The following PDE9A variants were observed in gnomAD, a reference collection of about 807,000 sequenced individuals.
PDE9A encodes the protein high affinity cGMP-specific 3',5'-cyclic phosphodiesterase 9A.
A neutral mutation model predicts 87.4 loss-of-function variants in PDE9A; 60 were observed. The ratio of observed to expected loss-of-function variants is 0.69; its 90% CI spans 0.56 to 0.85. PDE9A has a LOEUF of 0.85. Ranked by LOEUF, PDE9A falls within the 40% of genes least tolerant of loss-of-function variation. The pLI is 0.00. For missense variants in PDE9A, 665 were observed against 779.0 expected, an observed-to-expected ratio of 0.85 and a Z score of 1.74; for synonymous variants, 272 against 279.4, an observed-to-expected ratio of 0.97 and a Z score of 0.27.
At chr21:42,709,073 T>C (rs1039837160) in intron 4 of PDE9A, among the ~76,000 whole-genome samples, 12 of 152,130 alleles carry the variant, frequency 7.9e-5, no homozygotes, top group African/African-American at 2.7e-4. Flanking sequence ...CAATGATAGA[T>C]TGGATAAAGA....
rs1347451672 is a variant in PDE9A, at chr21:42,705,663, T to A, written c.262+6652T>A. ...GGACGGCCCCCCACGGCCCAAGTCC[T>A]ATAGGAGAGCCAGGGGCCATCACGA... On this transcript the variant is annotated intron_variant, in intron 4 of 19. Transcript: ENST00000291539. This position sits in a 1 kb window ranked among gnomAD's most constrained non-coding sequence, Gnocchi z 4.3. Among the ~76,000 whole-genome samples the A allele has an allele frequency of 6.6e-6, 1 of 152,104 alleles. No individual in the cohort carries two copies. Among genetic ancestry groups the A allele is most frequent in the Non-Finnish European group, 1.5e-5 (1 of 67,996 alleles).
At position 42,731,858 on chromosome 21, in the gene PDE9A, C is replaced by T. The variant is rs1337221275; in HGVS notation, c.351C>T (p.Pro117=). 1 of 1,614,182 alleles carries T rather than the reference C, an allele frequency of 6.2e-7. No individual in the cohort carries two copies. Among genetic ancestry groups the T allele is most frequent in the Non-Finnish European group, 8.5e-7 (1 of 1,180,030 alleles). ...GACGGGTTGTGGGCCTGGAGCAGCC[C>T]CGGAGGGAAGGAGCATTTGAAAGTG... The part of the protein sequence containing the change: ...RDRRVVGLEQ[P]RREGAFESGQ... Residue 117 remains proline, a synonymous_variant, in exon 5 of 20, where the codon CCC becomes CCT. Coordinates refer to ENST00000291539, the MANE Select transcript of PDE9A (RefSeq NM_002606.3).
intron 1 of PDE9A, among the ~76,000 whole-genome samples, chr21:42,677,930 AC>A (rs541939363): frequency 1.7e-3 from 254 of 152,332 alleles, no homozygotes; most frequent in African/African-American, 5.8e-3. Flanking sequence ...GGCGTGAGCC[AC>A]TGAGCCCAGC....
intron 1 of PDE9A, among the ~76,000 whole-genome samples, chr21:42,666,627 T>G (rs1372426577): frequency 6.6e-6 from 1 of 152,100 alleles, no homozygotes; most frequent in Non-Finnish European, 1.5e-5. Flanking sequence ...CTGAGGCCTC[T>G]CCTGGGCTGG....
intron 3 of PDE9A, among the ~76,000 whole-genome samples, chr21:42,697,132 G>A (rs1223593177): frequency 6.6e-6 from 1 of 151,976 alleles, no homozygotes; most frequent in Non-Finnish European, 1.5e-5. Flanking sequence ...GAGAATCAAG[G>A]GGACAGAGGG....
chr21:42,697,777 C>T (rs1197039719), intron 3 of PDE9A, among the ~76,000 whole-genome samples: 1 of 152,220 alleles, frequency 6.6e-6, no homozygotes, highest in Non-Finnish European at 1.5e-5. Context: ...TCAGGAACTC[C>T]TCCAAACCCA....
At chr21:42,670,157 GCACACACATTCACACGCA>G (rs2058329548) in intron 1 of PDE9A, among the ~76,000 whole-genome samples, 1 of 148,186 alleles carries the variant, frequency 6.7e-6, no homozygotes, top group African/African-American at 2.5e-5. Flanking sequence ...ACATTCACAC[GCACACACATTCACACGCA>G]CACATACACT....
chr21:42,766,513 G>T lies in PDE9A; in HGVS notation c.1356+1019G>T, dbSNP rs369298950. Reference sequence around the variant, plus strand: ...AGAGGTTGAAAGATAGGGAACTCTCGGCTCAGGCTGACCTTCTAACCATCC... The same window carrying T: ...AGAGGTTGAAAGATAGGGAACTCTCTGCTCAGGCTGACCTTCTAACCATCC... On this transcript the variant is annotated intron_variant, in intron 15 of 19. Coordinates refer to ENST00000291539, the MANE Select transcript of PDE9A (RefSeq NM_002606.3). Among the ~76,000 whole-genome samples the T allele has an allele frequency of 1.6e-4, 24 of 152,264 alleles. No individual in the cohort carries two copies. The East Asian group carries it at 4.3e-3, about 27-fold the overall frequency.
intron 1 of PDE9A, among the ~76,000 whole-genome samples, chr21:42,684,904 G>A (rs559900377): frequency 7.3e-6 from 1 of 136,948 alleles, no homozygotes; most frequent in Non-Finnish European, 1.5e-5. Flanking sequence ...AGGAAATGGT[G>A]TTAGTCACAG....
At chr21:42,748,622 A>G (rs1164215446) in intron 8 of PDE9A, among the ~76,000 whole-genome samples, 1 of 152,258 alleles carries the variant, frequency 6.6e-6, no homozygotes, top group East Asian at 1.9e-4. Flanking sequence ...TCATGACAAC[A>G]GCCGGCAATG....
chr21:42,751,242 A>T lies in PDE9A; in HGVS notation c.735+45A>T, dbSNP rs191596200. 4.3e-5 allele frequency: 58 copies of T among 1,356,268 alleles called. No individual in the cohort carries two copies. In the African/African-American group the frequency reaches 6.6e-4, roughly 15 times the overall value. The allele number at this position is 1,356,268 out of a possible 1,614,324, so 84.0% of individuals were successfully genotyped here. On this transcript the variant is annotated intron_variant, in intron 9 of 19. Transcript: ENST00000291539. Reference sequence around the variant, plus strand: ...CAGAAGAAGCTGCAGCTGTGTCCCCAGCCCCACGCCCAGCCCTGTGGCCCT... The same window carrying T: ...CAGAAGAAGCTGCAGCTGTGTCCCCTGCCCCACGCCCAGCCCTGTGGCCCT...
At chr21:42,768,392 TCCC>T in intron 16 of PDE9A, 100 bp downstream of exon 16, 1 of 1,035,162 alleles carries the variant, frequency 9.7e-7, no homozygotes, top group Non-Finnish European at 1.5e-6. Flanking sequence ...TCCCGCATAT[TCCC>T]CGGGCTGCCG....
intron 15 of PDE9A, 55 bp downstream of exon 15, chr21:42,765,549 G>GA: frequency 2.2e-6 from 2 of 924,746 alleles, no homozygotes; most frequent in Non-Finnish European, 3.6e-6. Context: ...GGCGAAGCAG[G>GA]TCATCCATCC....
intron 17 of PDE9A, 123 bp from the exon 18 acceptor site, chr21:42,770,580 G>T: frequency 1.5e-6 from 1 of 686,290 alleles, no homozygotes. Context: ...CGGCACGAGG[G>T]TGTCCAGGAG....
At chr21:42,654,517 C>T (rs2056902204) in intron 1 of PDE9A, among the ~76,000 whole-genome samples, 1 of 152,024 alleles carries the variant, frequency 6.6e-6, no homozygotes, top group Non-Finnish European at 1.5e-5. Flanking sequence ...CTCTGACGGG[C>T]AGGGAGGGAC....
intron 3 of PDE9A, among the ~76,000 whole-genome samples, chr21:42,698,406 C>G (rs1286261715): frequency 1.3e-5 from 2 of 152,188 alleles, no homozygotes; most frequent in African/African-American, 4.8e-5. Flanking sequence ...GCCTCTTGGC[C>G]AGAGGCTGTC....
chr21:42,769,743 C>T (rs1445058491), intron 17 of PDE9A, among the ~76,000 whole-genome samples: 1 of 151,226 alleles, frequency 6.6e-6, no homozygotes, highest in Non-Finnish European at 1.5e-5. Flanking sequence ...GAGGCACACA[C>T]ATGCACACAC....
Position 42,698,952 on chromosome 21 carries a change from G to A in PDE9A, c.219-16G>A, listed in dbSNP as rs763781439. On this transcript the variant is annotated splice_polypyrimidine_tract_variant and intron_variant, in intron 3 of 19. Coordinates refer to ENST00000291539, the MANE Select transcript of PDE9A (RefSeq NM_002606.3). ...CCTTGCAGAGTCTCACAGCGGCACT[G>A]TCTTCTCTTTTGCAGCACTCCGTAC... 3.1e-6 allele frequency: 5 copies of A among 1,608,322 alleles called. No homozygotes were observed. In the East Asian group the frequency reaches 1.1e-4, roughly 36 times the overall value.
In PDE9A at chr21:42,744,698, C is replaced by T. The variant is rs572968969; in HGVS notation, c.653+838C>T. Among the ~76,000 whole-genome samples the T allele has an allele frequency of 2.0e-4, 31 of 152,320 alleles. No individual in the cohort carries two copies. In the East Asian group the frequency reaches 4.8e-3, roughly 24 times the overall value. On this transcript the variant is annotated intron_variant, in intron 8 of 19. Coordinates refer to ENST00000291539, the MANE Select transcript of PDE9A (RefSeq NM_002606.3). ...CGTGGGGAAAATGCCCCAGTCTCCA[C>T]GATGCCACCTCCAAAGTCAGTTTTG... is the stretch of plus-strand genomic sequence containing the variant.
Sources: allele counts gnomAD v4.1 joint callset (sites outside exome capture counted in the v4.1 genomes callset), GRCh38; gene constraint gnomAD v4.1.1; non-coding constraint Gnocchi (gnomAD v3.1); transcripts MANE v1.5; gene names NCBI Gene and HGNC (gene_info 2026-07-23, HGNC 2026-07-21).